TNIK: variants seen among roughly 807,000 people sequenced by gnomAD.
The protein encoded by TNIK is TRAF2 and NCK-interacting protein kinase.
TNIK carries 49 observed loss-of-function variants against 191.3 expected under a neutral mutation model. The observed-to-expected ratio is 0.26, with a 90% confidence interval of 0.20 to 0.32. The LOEUF (loss-of-function observed/expected upper bound fraction) is 0.32, where lower values mean the gene tolerates loss of function less well. Ranked by LOEUF, TNIK falls within the 10% of genes least tolerant of loss-of-function variation. The pLI is 1.00. For synonymous variants in TNIK, 594 were observed against 600.9 expected, an observed-to-expected ratio of 0.99 and a Z score of 0.17; for missense variants, 1,155 against 1,702.3, an observed-to-expected ratio of 0.68 and a Z score of 5.66.
At chr3:171,277,607 T>C (rs1749911124) in intron 2 of TNIK, among the ~76,000 whole-genome samples, 2 of 152,198 alleles carry the variant, frequency 1.3e-5, no homozygotes, top group African/African-American at 2.4e-5. Flanking sequence ...TAATTGTTTA[T>C]AGCAGGGGTT....
chr3:171,450,579 C>G (rs1728049172), intron 1 of TNIK, among the ~76,000 whole-genome samples: 1 of 152,192 alleles, frequency 6.6e-6, no homozygotes, highest in Non-Finnish European at 1.5e-5. Flanking sequence ...TCACCAAGCC[C>G]TAGGCAGACA....
At chr3:171,414,289 G>A (rs1722778345) in intron 1 of TNIK, among the ~76,000 whole-genome samples, 2 of 152,194 alleles carry the variant, frequency 1.3e-5, no homozygotes, top group Non-Finnish European at 2.9e-5. Flanking sequence ...CAGATATGCT[G>A]GTTTGAAGAA....
chr3:171,158,438 G>A (rs994994344), intron 11 of TNIK, among the ~76,000 whole-genome samples: 2 of 152,168 alleles, frequency 1.3e-5, no homozygotes, highest in Admixed American at 6.5e-5. Flanking sequence ...TACCTACTTC[G>A]CTGGTGGTCC....
chr3:171,429,529 C>G (rs916655964), intron 1 of TNIK, among the ~76,000 whole-genome samples: 6 of 152,046 alleles, frequency 3.9e-5, no homozygotes, highest in African/African-American at 7.3e-5. Context: ...TCTTAGATTA[C>G]CCCACCTCCA....
At chr3:171,250,745 C>T (rs999257955) in intron 2 of TNIK, among the ~76,000 whole-genome samples, 3 of 152,112 alleles carry the variant, frequency 2.0e-5, no homozygotes, top group African/African-American at 4.8e-5. Flanking sequence ...TACTTAAGGC[C>T]GTTATAAGAA....
intron 15 of TNIK, among the ~76,000 whole-genome samples, chr3:171,129,265 A>G (rs150683375): frequency 1.3e-5 from 2 of 152,300 alleles, no homozygotes; most frequent in East Asian, 3.9e-4. Context: ...ATGCATTTAG[A>G]TGGCTTGGGG....
At chr3:171,271,629 CTATTT>C (rs1749115534) in intron 2 of TNIK, among the ~76,000 whole-genome samples, 1 of 152,140 alleles carries the variant, frequency 6.6e-6, no homozygotes, top group African/African-American at 2.4e-5. Flanking sequence ...TATGGGAAAG[CTATTT>C]TATTAAAATA....
At chr3:171,447,198 C>CAAAT (rs542753390) in intron 1 of TNIK, among the ~76,000 whole-genome samples, 2,043 of 150,676 alleles carry the variant, frequency 0.014, 48 homozygotes, top group African/African-American at 0.048. Context: ...CTCAAACAAA[C>CAAAT]AAATAAATAA....
At chr3:171,192,350 T>C (rs993951772) in intron 5 of TNIK, among the ~76,000 whole-genome samples, 1 of 152,192 alleles carries the variant, frequency 6.6e-6, no homozygotes, top group Non-Finnish European at 1.5e-5. Context: ...AGCATGGAAG[T>C]GAGCCAAAAG....
chr3:171,231,984 C>T (rs1743709786), intron 2 of TNIK, among the ~76,000 whole-genome samples: 2 of 152,146 alleles, frequency 1.3e-5, no homozygotes, highest in South Asian at 2.1e-4. Flanking sequence ...TTTTACTTAA[C>T]TGGAACTAAA....
chr3:171,143,636 A>G (rs912961143), intron 12 of TNIK, among the ~76,000 whole-genome samples: 2 of 152,178 alleles, frequency 1.3e-5, no homozygotes, highest in Non-Finnish European at 2.9e-5. Flanking sequence ...ATTTGAGTAT[A>G]TCTTACCAAC....
chr3:171,134,439 C>A (rs1236022844), intron 15 of TNIK, among the ~76,000 whole-genome samples: 1 of 152,076 alleles, frequency 6.6e-6, no homozygotes, highest in Non-Finnish European at 1.5e-5. Flanking sequence ...CACCACCATG[C>A]CCAGCTAATT....
intron 3 of TNIK, among the ~76,000 whole-genome samples, chr3:171,213,212 C>A (rs1741056684): frequency 1.3e-5 from 2 of 151,984 alleles, no homozygotes; most frequent in Admixed American, 6.6e-5. Flanking sequence ...TGCACATTGG[C>A]TATTTTTAAA....
chr3:171,356,472 C>A (rs1020222371), intron 2 of TNIK, among the ~76,000 whole-genome samples: 4 of 152,146 alleles, frequency 2.6e-5, no homozygotes, highest in African/African-American at 7.2e-5. Flanking sequence ...CCATGAATCA[C>A]CTTTTAGTAT....
intron 1 of TNIK, among the ~76,000 whole-genome samples, chr3:171,443,146 A>G (rs1173333416): frequency 2.6e-5 from 4 of 152,352 alleles, no homozygotes; most frequent in African/African-American, 9.6e-5. Flanking sequence ...TAAAGAAGAC[A>G]GAAGAAGCAG....
intron 15 of TNIK, among the ~76,000 whole-genome samples, chr3:171,137,108 C>CTTTTTTTTTTTT (rs71176593): frequency 9.6e-6 from 1 of 104,160 alleles, no homozygotes; most frequent in Non-Finnish European, 1.8e-5. Flanking sequence ...TTTAAAAATC[C>CTTTTTTTTTTTT]TTTTTTTTTT....
chr3:171,437,695 C>A (rs1726199145), intron 1 of TNIK, among the ~76,000 whole-genome samples: 1 of 152,242 alleles, frequency 6.6e-6, no homozygotes, highest in African/African-American at 2.4e-5. Flanking sequence ...CCATCATTCT[C>A]AACTCCTATC....
At chr3:171,356,047 T>A (rs1020181916) in intron 2 of TNIK, among the ~76,000 whole-genome samples, 2 of 152,074 alleles carry the variant, frequency 1.3e-5, no homozygotes, top group African/African-American at 4.8e-5. Flanking sequence ...TGGCAAATAT[T>A]TGCGTGGTCT....
chr3:171,288,284 A>T (rs1751259549), intron 2 of TNIK, among the ~76,000 whole-genome samples: 1 of 151,212 alleles, frequency 6.6e-6, no homozygotes. Context: ...TAACCTGCAC[A>T]ATGTGCACAT....
Sources: gnomAD v4.1 joint callset for allele counts (sites outside exome capture counted in the v4.1 genomes callset) on GRCh38, gnomAD v4.1.1 for gene constraint, MANE v1.5 for transcripts, NCBI Gene and HGNC (gene_info 2026-07-23, HGNC 2026-07-21) for gene names.